The following OGG1 variants were observed in gnomAD, a reference collection of about 807,000 sequenced individuals.
OGG1 encodes the protein 8-oxoguanine DNA glycosylase, also known as N-glycosylase/DNA lyase.
OGG1 carries 35 observed loss-of-function variants against 42.3 expected under a neutral mutation model. That is an observed-to-expected ratio of 0.83 (90% CI 0.63 to 1.10). OGG1 has a LOEUF of 1.10. OGG1 is among the 50% of genes least tolerant of loss of function. The pLI, the probability that OGG1 is intolerant of heterozygous loss-of-function variation, is 0.00. For synonymous variants in OGG1, 189 were observed against 179.0 expected, an observed-to-expected ratio of 1.06 and a Z score of -0.44; for missense variants, 484 against 446.7, an observed-to-expected ratio of 1.08 and a Z score of -0.75.
rs139227964 is a variant in OGG1, at chr3:9,786,660, G to A, written c.383-1068G>A. Among the ~76,000 whole-genome samples the A allele has an allele frequency of 8.1e-3, 1,241 of 152,294 alleles. 12 individuals are homozygous for A. The highest frequency in any genetic ancestry group is 0.014 in the Non-Finnish European group (962 of 68,014). ...ATAAAGCCCCTCCAACAGATGCTTA[G>A]CAAAAGTAATTGTGGAGTAAGGCTA... is the stretch of plus-strand genomic sequence containing the variant. On this transcript the variant is annotated intron_variant, in intron 3 of 3. Coordinates refer to the OGG1 transcript ENST00000426518.
At chr3:9,772,075 C>T (rs2078309240) in intron 2 of OGG1, among the ~76,000 whole-genome samples, 1 of 152,136 alleles carries the variant, frequency 6.6e-6, no homozygotes, top group African/African-American at 2.4e-5. Flanking sequence ...GCCTCAGCCT[C>T]CCAAAGTGCT....
At chr3:9,759,774 A>G, downstream of OGG1, 2 of 1,614,040 alleles carry the variant, frequency 1.2e-6, no homozygotes, top group South Asian at 2.2e-5. Context: ...ACAAAAGCAA[A>G]GATAATGACA....
At chr3:9,752,263 A>G (rs922544446) in intron 3 of OGG1, among the ~76,000 whole-genome samples, 2 of 151,618 alleles carry the variant, frequency 1.3e-5, no homozygotes, top group East Asian at 3.9e-4. Context: ...CTGAACCCCA[A>G]CTCTCACTTG....
At chr3:9,765,749 G>A in intron 7 of OGG1, 1 of 1,613,624 alleles carries the variant, frequency 6.2e-7, no homozygotes, top group South Asian at 1.1e-5. Flanking sequence ...AAAGGCTGTG[G>A]CCCACGCACT....
At chr3:9,785,120 C>A (rs909300046) in intron 3 of OGG1, among the ~76,000 whole-genome samples, 1 of 152,212 alleles carries the variant, frequency 6.6e-6, no homozygotes, top group African/African-American at 2.4e-5. Flanking sequence ...ATGGTATGAA[C>A]AGTTCTGTGC....
downstream of OGG1, chr3:9,761,732 A>G: frequency 1.2e-6 from 2 of 1,614,142 alleles, no homozygotes; most frequent in South Asian, 1.1e-5. Flanking sequence ...GTCTTCATCC[A>G]GGCTGTAGTA....
intron 3 of OGG1, among the ~76,000 whole-genome samples, chr3:9,752,529 C>CCAAA (rs781432674): frequency 1.3e-5 from 1 of 75,024 alleles, no homozygotes; most frequent in Admixed American, 1.5e-4. Context: ...GACTCTGTCT[C>CCAAA]AAAAAAAAAA....
intron 2 of OGG1, among the ~76,000 whole-genome samples, chr3:9,775,026 G>A (rs941504634): frequency 7.9e-5 from 12 of 151,574 alleles, no homozygotes; most frequent in African/African-American, 2.9e-4. Context: ...GAGGCAGGAG[G>A]ATCACTTGAG....
At chr3:9,789,934 A>G, downstream of OGG1, 1 of 1,607,862 alleles carries the variant, frequency 6.2e-7, no homozygotes, top group Middle Eastern at 1.7e-4. Context: ...ATCGTCTGTC[A>G]CCTTTCTTAT....
At chr3:9,784,847 AGAGC>A (rs1489780216) in intron 3 of OGG1, among the ~76,000 whole-genome samples, 3 of 151,870 alleles carry the variant, frequency 2.0e-5, no homozygotes. Flanking sequence ...CTAAACGACA[AGAGC>A]GAGACTCCAT....
chr3:9,773,754 G>T (rs190531358), intron 2 of OGG1, among the ~76,000 whole-genome samples: 1 of 151,876 alleles, frequency 6.6e-6, no homozygotes, highest in East Asian at 1.9e-4. Flanking sequence ...GTGCAGCGGC[G>T]CCATCATGGC....
At chr3:9,750,828 A>T in intron 1 of OGG1, 117 bp from the exon 2 acceptor site, 2 of 1,242,342 alleles carry the variant, frequency 1.6e-6, no homozygotes, top group Non-Finnish European at 2.3e-6. Flanking sequence ...TCAGACTGGA[A>T]GATAGCACTG....
chr3:9,761,943 A>G (rs293794), downstream of OGG1: 138,586 of 790,964 alleles, frequency 0.18, 13,327 homozygotes, highest in African/African-American at 0.25. Flanking sequence ...ACAAGGCTCA[A>G]GAGGGTGTGG....
downstream of OGG1, among the ~76,000 whole-genome samples, chr3:9,769,163 GTCCA>G (rs1322050480): frequency 1.3e-5 from 2 of 151,678 alleles, no homozygotes; most frequent in Non-Finnish European, 2.9e-5. Context: ...ACACCTGCCT[GTCCA>G]TCCAAACATC....
chr3:9,766,480 C>CA (rs369221335), exon 8 of OGG1: 36 of 349,400 alleles, frequency 1.0e-4, no homozygotes, highest in Middle Eastern at 1.0e-3. Flanking sequence ...GATCCTGGGT[C>CA]AAAAAAAAGA....
At chr3:9,782,790 C>A (rs369083781) in intron 3 of OGG1, among the ~76,000 whole-genome samples, 833 of 119,548 alleles carry the variant, frequency 7.0e-3, no homozygotes, top group African/African-American at 8.2e-3. Context: ...GACACCGTCT[C>A]AAAAAAAAAA....
downstream of OGG1, chr3:9,758,677 T>A (rs1182587591): frequency 3.1e-5 from 5 of 162,612 alleles, no homozygotes; most frequent in African/African-American, 9.6e-5. Context: ...TTGCCCAGGC[T>A]GGAGTGCAGT....
chr3:9,750,660 G>T, intron 1 of OGG1: 1 of 709,740 alleles, frequency 1.4e-6, no homozygotes, highest in Non-Finnish European at 2.3e-6. Flanking sequence ...CTTTTTTTGA[G>T]ACAGGGTCTC....
intron 3 of OGG1, chr3:9,784,348 A>T: frequency 8.5e-7 from 1 of 1,174,146 alleles, no homozygotes; most frequent in Non-Finnish European, 1.2e-6. Flanking sequence ...CTATCCAGAT[A>T]CAAAGGGAGG....
Sources: gnomAD v4.1 joint callset for allele counts (sites outside exome capture counted in the v4.1 genomes callset) on GRCh38, gnomAD v4.1.1 for gene constraint, MANE v1.5 for transcripts, NCBI Gene and HGNC (gene_info 2026-07-23, HGNC 2026-07-21) for gene names.